RPS6KC1: variants seen among roughly 807,000 people sequenced by gnomAD.
RPS6KC1 encodes inactive ribosomal protein S6 kinase delta-1.
Under a neutral mutation model 103.8 loss-of-function variants are expected in RPS6KC1, and 54 were observed. The observed-to-expected ratio is 0.52, with a 90% CI of 0.42 to 0.65. The LOEUF is 0.65. RPS6KC1 is among the 30% of genes least tolerant of loss of function. The probability of loss-of-function intolerance (pLI) is 0.00; values close to 1 mark genes in which losing one functional copy is unlikely to be tolerated. For synonymous variants in RPS6KC1, 439 were observed against 438.7 expected, an observed-to-expected ratio of 1.00 and a Z score of -0.01; for missense variants, 1,151 against 1,253.8, an observed-to-expected ratio of 0.92 and a Z score of 1.24.
rs146148353 is a variant in RPS6KC1 at position 213,209,646 on chromosome 1, G to T, written c.1045-20851G>T. Among the ~76,000 whole-genome samples the T allele has an allele frequency of 5.2e-3, 632 of 121,442 alleles. 4 individuals carry two copies. Among genetic ancestry groups the T allele is most frequent in the African/African-American group, 0.019 (609 of 31,988 alleles). 79.7% of individuals were successfully genotyped at this position (121,442 alleles called of 152,430 possible). ...GGAGGTGGAGGTTGCAATGAGCCGA[G>T]ATCATGCCACTGCACTCCTGTCTGG... On this transcript the variant is annotated intron_variant, in intron 8 of 14. Transcript: ENST00000366960.
chr1:213,518,162 C>T, the RPS6KC1 span, among the ~76,000 whole-genome samples: 2 of 152,132 alleles, frequency 1.3e-5, no homozygotes, highest in Non-Finnish European at 2.9e-5. Context: ...AAAAAAACCT[C>T]CAGAAAAGTC....
At chr1:213,396,401 G>A in the RPS6KC1 span, among the ~76,000 whole-genome samples, 18 of 152,296 alleles carry the variant, frequency 1.2e-4, no homozygotes, top group Middle Eastern at 6.8e-3. Flanking sequence ...TAAGACCAGA[G>A]ACTGCATCTT....
At chr1:213,088,805 T>C (rs1325807512) in intron 3 of RPS6KC1, among the ~76,000 whole-genome samples, 1 of 152,228 alleles carries the variant, frequency 6.6e-6, no homozygotes, top group East Asian at 1.9e-4. Context: ...CCTGTTTCCA[T>C]TGGCTGGTAG....
the RPS6KC1 span, among the ~76,000 whole-genome samples, chr1:213,698,057 C>A: frequency 6.6e-6 from 1 of 152,138 alleles, no homozygotes. Context: ...TACAGACCAT[C>A]CCCAACTTAC....
At chr1:213,260,756 C>CAAAAAAAAAAA (rs35685015) in intron 12 of RPS6KC1, among the ~76,000 whole-genome samples, 1 of 121,680 alleles carries the variant, frequency 8.2e-6, no homozygotes, top group Non-Finnish European at 1.7e-5. Flanking sequence ...CTAAAAGCCT[C>CAAAAAAAAAAA]AAAAAAAAAA....
At chr1:213,826,774 G>A in the RPS6KC1 span, among the ~76,000 whole-genome samples, 6 of 152,132 alleles carry the variant, frequency 3.9e-5, no homozygotes, top group Admixed American at 1.3e-4. Context: ...CCCTGGGAAG[G>A]GGGGGAAGTA....
intron 14 of RPS6KC1, among the ~76,000 whole-genome samples, chr1:213,271,351 A>T (rs1050971005): frequency 2.0e-5 from 3 of 152,210 alleles, no homozygotes; most frequent in Non-Finnish European, 4.4e-5. Context: ...TTTTACTTAT[A>T]TGAAATGTTC....
At chr1:213,233,584 T>C (rs1484901518) in intron 10 of RPS6KC1, among the ~76,000 whole-genome samples, 1 of 152,208 alleles carries the variant, frequency 6.6e-6, no homozygotes, top group Non-Finnish European at 1.5e-5. Flanking sequence ...CTGTTATTTG[T>C]AGCAATATCT....
the RPS6KC1 span, among the ~76,000 whole-genome samples, chr1:213,555,275 C>A: frequency 6.6e-6 from 1 of 152,188 alleles, no homozygotes; most frequent in Non-Finnish European, 1.5e-5. Context: ...TTCCCCCATG[C>A]CCACTCCCTC....
the RPS6KC1 span, among the ~76,000 whole-genome samples, chr1:213,394,221 G>A: frequency 6.6e-6 from 1 of 152,150 alleles, no homozygotes; most frequent in East Asian, 1.9e-4. Context: ...CCTGGTCTGC[G>A]AGCTCCCTGT....
At chr1:213,572,170 C>CT in the RPS6KC1 span, among the ~76,000 whole-genome samples, 2 of 152,180 alleles carry the variant, frequency 1.3e-5, no homozygotes, top group Non-Finnish European at 2.9e-5. Flanking sequence ...GCAGACATAG[C>CT]TGCCTGCTTC....
the RPS6KC1 span, among the ~76,000 whole-genome samples, chr1:213,782,311 A>G: frequency 4.6e-5 from 7 of 152,172 alleles, no homozygotes; most frequent in African/African-American, 1.7e-4. Context: ...GCTCAAACTC[A>G]TCCCAAGACT....
At chr1:213,848,858 G>C in the RPS6KC1 span, among the ~76,000 whole-genome samples, 1 of 152,140 alleles carries the variant, frequency 6.6e-6, no homozygotes, top group Non-Finnish European at 1.5e-5. Context: ...TTTCAAAGCA[G>C]AGCCCGAGGC....
the RPS6KC1 span, among the ~76,000 whole-genome samples, chr1:213,521,979 G>A: frequency 1.3e-5 from 2 of 152,198 alleles, no homozygotes; most frequent in African/African-American, 4.8e-5. Context: ...AATCACAAAT[G>A]TTCTTAATGG....
intron 4 of RPS6KC1, among the ~76,000 whole-genome samples, chr1:213,113,309 G>A (rs1229111132): frequency 6.6e-6 from 1 of 152,010 alleles, no homozygotes; most frequent in East Asian, 1.9e-4. Context: ...TTCTCTGATG[G>A]CCAGTGATGG....
the RPS6KC1 span, among the ~76,000 whole-genome samples, chr1:213,799,268 A>G: frequency 6.6e-6 from 1 of 152,212 alleles, no homozygotes; most frequent in Admixed American, 6.5e-5. Flanking sequence ...AGGAAGGACA[A>G]CACTGAGTTG....
At chr1:213,661,392 G>A in the RPS6KC1 span, among the ~76,000 whole-genome samples, 2 of 152,176 alleles carry the variant, frequency 1.3e-5, no homozygotes, top group Non-Finnish European at 2.9e-5. Flanking sequence ...GGCTGGGCGA[G>A]CCTCCTTGTC....
the RPS6KC1 span, among the ~76,000 whole-genome samples, chr1:213,774,770 A>T: frequency 1.3e-5 from 2 of 152,252 alleles, no homozygotes; most frequent in Admixed American, 6.5e-5. Context: ...ATTGATGATT[A>T]AAGAAACCTG....
chr1:213,379,537 T>G, the RPS6KC1 span, among the ~76,000 whole-genome samples: 16 of 152,336 alleles, frequency 1.1e-4, no homozygotes, highest in South Asian at 3.1e-3. Flanking sequence ...GCTGACACCA[T>G]GATCATGGAC....
Sources: gnomAD v4.1 joint callset for allele counts (sites outside exome capture counted in the v4.1 genomes callset) on GRCh38, gnomAD v4.1.1 for gene constraint, MANE v1.5 for transcripts, NCBI Gene and HGNC (gene_info 2026-07-23, HGNC 2026-07-21) for gene names.